SUGCT: variants seen among roughly 807,000 people sequenced by gnomAD.
The protein encoded by SUGCT is succinyl-CoA:glutarate-CoA transferase.
SUGCT carries 41 observed loss-of-function variants against 55.0 expected under a neutral mutation model. The observed-to-expected ratio is 0.74, with a 90% CI of 0.58 to 0.97. SUGCT has a LOEUF of 0.97. Ranked by LOEUF, SUGCT falls within the 50% of genes least tolerant of loss-of-function variation. The pLI is 0.00. For synonymous variants in SUGCT, 187 were observed against 200.4 expected (o/e 0.93, Z 0.56); for missense variants, 568 against 547.8 (o/e 1.04, Z -0.37).
At chr7:40,664,193 C>A (rs1801484445) in intron 12 of SUGCT, among the ~76,000 whole-genome samples, 1 of 152,178 alleles carries the variant, frequency 6.6e-6, no homozygotes, top group Non-Finnish European at 1.5e-5. Flanking sequence ...TAAAGCCACT[C>A]CACTTGCAGT....
intron 1 of SUGCT, among the ~76,000 whole-genome samples, chr7:40,162,929 T>C (rs1032375709): frequency 1.7e-4 from 26 of 152,216 alleles, no homozygotes; most frequent in African/African-American, 5.8e-4. Context: ...GGCATCTTTA[T>C]TGGGCAGGAC....
chr7:40,740,042 T>C (rs762165380), intron 12 of SUGCT, among the ~76,000 whole-genome samples: 1 of 152,186 alleles, frequency 6.6e-6, no homozygotes, highest in Non-Finnish European at 1.5e-5. Context: ...TCCATGAACA[T>C]AGTATGCTTC....
chr7:40,155,841 T>C (rs929053801), intron 1 of SUGCT, among the ~76,000 whole-genome samples: 2 of 151,980 alleles, frequency 1.3e-5, no homozygotes, highest in African/African-American at 4.8e-5. Context: ...GGATTTTTAC[T>C]TAGGATACCT....
rs545360193 is a variant in SUGCT at position 40,389,432 on chromosome 7, C to T, written c.817-59855C>T. ...ACGCCACTGTACTCTAGCCTGGGCACGCCTGTCTCAAAACAAACAAACAAA... is the reference window on the plus strand; with the variant it reads ...ACGCCACTGTACTCTAGCCTGGGCATGCCTGTCTCAAAACAAACAAACAAA... On this transcript the variant is annotated intron_variant, in intron 9 of 13. Coordinates refer to ENST00000335693, the MANE Select transcript of SUGCT (RefSeq NM_001193313.2). Among the ~76,000 whole-genome samples, 43 of 98,298 alleles carry T rather than the reference C, an allele frequency of 4.4e-4. No individual in the cohort carries two copies. The South Asian group carries it at 8.4e-3, about 19-fold the overall frequency. 64.5% of individuals were successfully genotyped at this position (98,298 alleles called of 152,430 possible).
chr7:40,487,981 A>G (rs1791471762), intron 11 of SUGCT, among the ~76,000 whole-genome samples: 1 of 150,686 alleles, frequency 6.6e-6, no homozygotes, highest in Non-Finnish European at 1.5e-5. Flanking sequence ...TTTTACTTTT[A>G]TTTATTTATT....
At chr7:40,255,227 CAA>C (rs35996807) in intron 7 of SUGCT, among the ~76,000 whole-genome samples, 156 of 100,988 alleles carry the variant, frequency 1.5e-3, no homozygotes, top group Admixed American at 1.7e-3. Flanking sequence ...AACTTCATCT[CAA>C]AAAAAAAAAA....
intron 12 of SUGCT, among the ~76,000 whole-genome samples, chr7:40,582,057 C>T (rs1227400194): frequency 6.6e-6 from 1 of 152,134 alleles, no homozygotes; most frequent in Non-Finnish European, 1.5e-5. Context: ...CATGCACAAT[C>T]TCACCCAGAA....
chr7:40,687,029 C>G (rs1562946376), intron 12 of SUGCT, among the ~76,000 whole-genome samples: 1 of 152,134 alleles, frequency 6.6e-6, no homozygotes, highest in African/African-American at 2.4e-5. Context: ...GCCCTCACCC[C>G]CAACCCACAA....
intron 1 of SUGCT, among the ~76,000 whole-genome samples, chr7:40,178,017 C>T (rs942853459): frequency 6.6e-5 from 10 of 152,158 alleles, no homozygotes; most frequent in African/African-American, 2.2e-4. Flanking sequence ...TCACAAAGTG[C>T]GGGGATTACA....
intron 9 of SUGCT, among the ~76,000 whole-genome samples, chr7:40,351,465 A>C (rs1562705437): frequency 6.6e-6 from 1 of 152,130 alleles, no homozygotes. Context: ...TTATTTAGGA[A>C]TTTAGCAAAA....
At position 40,571,023 on chromosome 7, in the gene SUGCT, A is replaced by G. The variant is rs183629303; in HGVS notation, c.1089+74637A>G. Among the ~76,000 whole-genome samples, 438 of 151,964 alleles carry G rather than the reference A, an allele frequency of 2.9e-3. 4 individuals carry two copies. Among genetic ancestry groups the G allele is most frequent in the African/African-American group, 9.8e-3 (408 of 41,444 alleles). On this transcript the variant is annotated intron_variant, in intron 12 of 13. Coordinates refer to ENST00000335693, the MANE Select transcript of SUGCT (RefSeq NM_001193313.2). ...TACAGGCACCTGCCACAGTGCTATA[A>G]AAGCTGTAGGCTTTTATAAATGTAC...
At chr7:40,191,611 T>C (rs1048343863) in intron 5 of SUGCT, among the ~76,000 whole-genome samples, 17 of 152,214 alleles carry the variant, frequency 1.1e-4, no homozygotes, top group African/African-American at 3.9e-4. Context: ...GTTTGATTTT[T>C]CTAAATTGTT....
intron 8 of SUGCT, among the ~76,000 whole-genome samples, chr7:40,302,166 C>T (rs996508728): frequency 2.0e-5 from 3 of 152,206 alleles, no homozygotes; most frequent in African/African-American, 7.2e-5. Flanking sequence ...ACTGTACACT[C>T]CCATCCTGCT....
chr7:40,809,428 GCT>G (rs757996158), intron 13 of SUGCT, among the ~76,000 whole-genome samples: 1 of 151,932 alleles, frequency 6.6e-6, no homozygotes, highest in South Asian at 2.1e-4. Flanking sequence ...GTGTGTGTGT[GCT>G]CTCTCTTTCA....
chr7:40,642,358 AGT>A (rs1289715615), intron 12 of SUGCT, among the ~76,000 whole-genome samples: 2 of 152,074 alleles, frequency 1.3e-5, no homozygotes, highest in African/African-American at 2.4e-5. Context: ...TATTCTGTAA[AGT>A]GTTTGGCAGT....
Position 40,450,412 on chromosome 7 carries a change from C to CT in SUGCT, c.888+1067dup, listed in dbSNP as rs529151274. Among the ~76,000 whole-genome samples, 587 of 138,820 alleles carry CT rather than the reference C, an allele frequency of 4.2e-3. 1 individual carries two copies. Among genetic ancestry groups the CT allele is most frequent in the Middle Eastern group, 0.011 (3 of 284 alleles). 91.1% of individuals were successfully genotyped at this position (138,820 alleles called of 152,430 possible). A position where few individuals can be genotyped will look rare whatever the true frequency, so the allele number is the denominator to read the frequency against. ...GGCCTTACCTGTTAAGGATTTTTTT[C>CT]TTTTTTTTTTTTTGAGAGACAATCA... On this transcript the variant is annotated intron_variant, in intron 10 of 13. Transcript: ENST00000335693.
At chr7:40,460,641 T>C (rs1789744872) in intron 11 of SUGCT, among the ~76,000 whole-genome samples, 1 of 152,158 alleles carries the variant, frequency 6.6e-6, no homozygotes, top group Non-Finnish European at 1.5e-5. Flanking sequence ...GATACCTAGA[T>C]TGGTTTCCTG....
At chr7:40,255,478 A>G (rs747165384) in intron 7 of SUGCT, among the ~76,000 whole-genome samples, 1 of 151,618 alleles carries the variant, frequency 6.6e-6, no homozygotes. Context: ...CCTGGCCAAC[A>G]TGAGGAAACC....
At chr7:40,171,488 T>G (rs1406389834) in intron 1 of SUGCT, among the ~76,000 whole-genome samples, 1 of 152,260 alleles carries the variant, frequency 6.6e-6, no homozygotes, top group African/African-American at 2.4e-5. Flanking sequence ...TAATTAAGAT[T>G]TAAATCCCCT....
Sources: allele counts gnomAD v4.1 joint callset (sites outside exome capture counted in the v4.1 genomes callset), GRCh38; gene constraint gnomAD v4.1.1; transcripts MANE v1.5; gene names NCBI Gene and HGNC (gene_info 2026-07-23, HGNC 2026-07-21).